The following PRKG1 variants were observed in gnomAD, a reference collection of about 807,000 sequenced individuals.
PRKG1 encodes cGMP-dependent protein kinase 1.
PRKG1 carries 35 observed loss-of-function variants against 88.1 expected under a neutral mutation model. That is an observed-to-expected ratio of 0.40 (90% CI 0.30 to 0.53). The LOEUF is 0.53. PRKG1 is among the 20% of genes least tolerant of loss of function. PRKG1 has a pLI of 0.59. For missense variants in PRKG1, 540 were observed against 839.8 expected, an observed-to-expected ratio of 0.64 and a Z score of 4.41; for synonymous variants, 303 against 292.5, an observed-to-expected ratio of 1.04 and a Z score of -0.37.
intron 3 of PRKG1, among the ~76,000 whole-genome samples, chr10:51,588,107 C>T (rs1838217434): frequency 6.6e-6 from 1 of 152,186 alleles, no homozygotes; most frequent in Admixed American, 6.5e-5. Context: ...TGTCTCTTGA[C>T]AAACTTATCA....
At chr10:51,959,209 T>G (rs1843386695) in intron 5 of PRKG1, among the ~76,000 whole-genome samples, 1 of 152,134 alleles carries the variant, frequency 6.6e-6, no homozygotes, top group Admixed American at 6.6e-5. Context: ...CAACATGTTG[T>G]GATAGTGTTA....
chr10:51,482,947 C>T (rs1233179980), intron 3 of PRKG1, among the ~76,000 whole-genome samples: 2 of 151,420 alleles, frequency 1.3e-5, no homozygotes, highest in Middle Eastern at 3.4e-3. Flanking sequence ...CCAGGACAAC[C>T]ATTTTTAATT....
intron 2 of PRKG1, among the ~76,000 whole-genome samples, chr10:51,248,576 T>C (rs1415784490): frequency 3.3e-5 from 5 of 151,798 alleles, no homozygotes; most frequent in Admixed American, 6.6e-5. Flanking sequence ...ATTAACAGAA[T>C]CCATTTAGTT....
intron 7 of PRKG1, among the ~76,000 whole-genome samples, chr10:52,107,107 C>A (rs1185237035): frequency 6.6e-6 from 1 of 152,202 alleles, no homozygotes; most frequent in African/African-American, 2.4e-5. Context: ...TTCTCAAGAG[C>A]CTAGAGTGGA....
chr10:52,170,189 A>T (rs1437814216), intron 9 of PRKG1, among the ~76,000 whole-genome samples: 4 of 152,178 alleles, frequency 2.6e-5, no homozygotes, highest in African/African-American at 9.7e-5. Flanking sequence ...CCTTCCTCTG[A>T]GGACAAAGAA....
At chr10:51,497,763 A>T (rs183678925) in intron 3 of PRKG1, among the ~76,000 whole-genome samples, 3 of 152,160 alleles carry the variant, frequency 2.0e-5, no homozygotes, top group Admixed American at 2.0e-4. Context: ...ACAAAATCTA[A>T]CTCTCACGGG....
intron 3 of PRKG1, among the ~76,000 whole-genome samples, chr10:51,798,985 T>A (rs192204873): frequency 1.3e-5 from 2 of 152,230 alleles, no homozygotes; most frequent in East Asian, 3.9e-4. Context: ...TTTTCCTATC[T>A]GTTTAAGATC....
intron 5 of PRKG1, among the ~76,000 whole-genome samples, chr10:51,967,974 GA>G (rs1172553776): frequency 6.6e-5 from 10 of 152,170 alleles, no homozygotes; most frequent in African/African-American, 2.2e-4. Context: ...TAACTGCTTA[GA>G]AATCTTTCTC....
chr10:51,412,215 A>AGAGAGAGAGAGAGAGAGAGAG (rs1564483266), intron 2 of PRKG1, among the ~76,000 whole-genome samples: 7 of 120,196 alleles, frequency 5.8e-5, no homozygotes, highest in African/African-American at 2.8e-4. Flanking sequence ...GAGAGAGAGA[A>AGAGAGAGAGAGAGAGAGAGAG]AGAAAGAGAG....
chr10:51,278,298 T>C (rs1425618456), intron 2 of PRKG1, among the ~76,000 whole-genome samples: 1 of 152,206 alleles, frequency 6.6e-6, no homozygotes, highest in Non-Finnish European at 1.5e-5. Context: ...ATCCCAGGGA[T>C]GAAGCCCACT....
intron 3 of PRKG1, among the ~76,000 whole-genome samples, chr10:51,598,612 A>T (rs2132221958): frequency 6.6e-6 from 1 of 152,314 alleles, no homozygotes; most frequent in African/African-American, 2.4e-5. Context: ...AGTTGAACAC[A>T]TGTGTTCTTA....
At chr10:51,663,851 G>T (rs570310934) in intron 3 of PRKG1, among the ~76,000 whole-genome samples, 2 of 151,758 alleles carry the variant, frequency 1.3e-5, no homozygotes, top group Non-Finnish European at 2.9e-5. Context: ...AGGAAACATT[G>T]AAAATATTTC....
At chr10:51,350,846 A>G (rs1842225848) in intron 2 of PRKG1, among the ~76,000 whole-genome samples, 2 of 152,104 alleles carry the variant, frequency 1.3e-5, no homozygotes, top group Admixed American at 1.3e-4. Flanking sequence ...TACGCGTGCC[A>G]TGGTGGTTTG....
intron 9 of PRKG1, among the ~76,000 whole-genome samples, chr10:52,227,868 C>T (rs1011581935): frequency 5.3e-5 from 8 of 152,088 alleles, no homozygotes; most frequent in African/African-American, 1.2e-4. Context: ...CTGGGTAATG[C>T]GTGAGAAATC....
chr10:52,274,382 T>C (rs1841814897), intron 12 of PRKG1, among the ~76,000 whole-genome samples: 1 of 151,820 alleles, frequency 6.6e-6, no homozygotes, highest in Non-Finnish European at 1.5e-5. Flanking sequence ...ATGTTTGGTT[T>C]TCCATTCTTG....
At chr10:52,202,930 T>G (rs991076823) in intron 9 of PRKG1, among the ~76,000 whole-genome samples, 3 of 151,938 alleles carry the variant, frequency 2.0e-5, no homozygotes, top group Admixed American at 2.0e-4. Context: ...CTCTAGCTAG[T>G]GGTCTATCAT....
chr10:52,024,986 C>T (rs1845295771), intron 5 of PRKG1, among the ~76,000 whole-genome samples: 1 of 152,176 alleles, frequency 6.6e-6, no homozygotes, highest in Non-Finnish European at 1.5e-5. Flanking sequence ...TCCTCTCCAA[C>T]ATCTCTTGTT....
intron 9 of PRKG1, among the ~76,000 whole-genome samples, chr10:52,188,288 GTGTATATATATA>G (rs1839267186): frequency 3.1e-4 from 4 of 13,062 alleles, no homozygotes; most frequent in Non-Finnish European, 4.7e-4. Context: ...ACATATATAT[GTGTATATATATA>G]TGTATATATA....
chr10:52,004,547 C>T (rs1178904011), intron 5 of PRKG1, among the ~76,000 whole-genome samples: 3 of 152,070 alleles, frequency 2.0e-5, no homozygotes, highest in African/African-American at 4.8e-5. Context: ...CAGCATCTAA[C>T]GAATATGATT....
Sources: allele counts gnomAD v4.1 joint callset (sites outside exome capture counted in the v4.1 genomes callset), GRCh38; gene constraint gnomAD v4.1.1; transcripts MANE v1.5; gene names NCBI Gene and HGNC (gene_info 2026-07-23, HGNC 2026-07-21).